The following NLGN1 variants were observed in gnomAD, a reference collection of about 807,000 sequenced individuals.
The protein encoded by NLGN1 is neuroligin-1.
In NLGN1, 12 loss-of-function variants were observed where a neutral mutation model predicts 65.5. The ratio of observed to expected loss-of-function variants is 0.18; its 90% CI spans 0.12 to 0.30. NLGN1 has a LOEUF of 0.30. NLGN1 is among the 10% of genes least tolerant of loss of function. NLGN1 has a pLI of 1.00. For missense variants in NLGN1, 750 were observed against 1,007.1 expected, an observed-to-expected ratio of 0.74 and a Z score of 3.46; for synonymous variants, 350 against 359.5, an observed-to-expected ratio of 0.97 and a Z score of 0.30.
chr3:173,943,066 A>T (rs1175727437), intron 4 of NLGN1, among the ~76,000 whole-genome samples: 3 of 151,932 alleles, frequency 2.0e-5, no homozygotes, highest in African/African-American at 7.3e-5. Flanking sequence ...CTTTACAAAA[A>T]ATATAAAAAA....
chr3:174,005,772 GT>G (rs1724238359), intron 4 of NLGN1, among the ~76,000 whole-genome samples: 1 of 151,726 alleles, frequency 6.6e-6, no homozygotes, highest in African/African-American at 2.4e-5. Context: ...GTATTCCTGA[GT>G]GAGGTGCCTG....
At chr3:173,406,339 G>T (rs927448877) in intron 1 of NLGN1, among the ~76,000 whole-genome samples, 2 of 151,320 alleles carry the variant, frequency 1.3e-5, no homozygotes, top group African/African-American at 4.8e-5. Flanking sequence ...TTCTTTAAAA[G>T]AATTATCAGT....
intron 4 of NLGN1, among the ~76,000 whole-genome samples, chr3:173,987,092 C>G (rs558508624): frequency 6.6e-6 from 1 of 152,288 alleles, no homozygotes; most frequent in South Asian, 2.1e-4. Flanking sequence ...TTGGGCAAAA[C>G]TGCCTAGATT....
chr3:173,397,417 C>T (rs76623340), upstream of NLGN1, among the ~76,000 whole-genome samples: 9,503 of 151,980 alleles, frequency 0.063, 435 homozygotes, highest in Middle Eastern at 0.13. Context: ...TGGGAACTTC[C>T]CCTCATTTCT....
At chr3:173,859,027 A>G (rs1728555374) in intron 4 of NLGN1, among the ~76,000 whole-genome samples, 1 of 152,074 alleles carries the variant, frequency 6.6e-6, no homozygotes, top group Non-Finnish European at 1.5e-5. Flanking sequence ...TCTGTATTAA[A>G]ATATCTGCGT....
exon 7 of NLGN1, chr3:174,283,660 C>T (rs1751794190): frequency 6.6e-6 from 1 of 151,084 alleles, no homozygotes; most frequent in Non-Finnish European, 1.5e-5. Context: ...TTATAATCCC[C>T]CCTCCCAATT....
intron 4 of NLGN1, among the ~76,000 whole-genome samples, chr3:174,205,318 A>G (rs1735196356): frequency 6.6e-6 from 1 of 152,112 alleles, no homozygotes. Context: ...ATAACATTGC[A>G]ATTTTCAAAA....
At chr3:173,683,784 T>G (rs111555053) in intron 3 of NLGN1, among the ~76,000 whole-genome samples, 16 of 152,148 alleles carry the variant, frequency 1.1e-4, no homozygotes, top group African/African-American at 3.1e-4. Context: ...GGGTCAGGTA[T>G]AGTGCTTCGT....
intron 4 of NLGN1, among the ~76,000 whole-genome samples, chr3:174,001,615 C>T (rs748428301): frequency 2.0e-5 from 3 of 152,204 alleles, no homozygotes; most frequent in African/African-American, 4.8e-5. Context: ...TGCACCCATG[C>T]ATCTCTGACC....
At chr3:173,865,774 A>C (rs1374030060) in intron 4 of NLGN1, among the ~76,000 whole-genome samples, 1 of 152,192 alleles carries the variant, frequency 6.6e-6, no homozygotes, top group Non-Finnish European at 1.5e-5. Context: ...CTTCAAAATG[A>C]ATGATCCGAA....
At chr3:173,555,453 T>C (rs993460049) in intron 2 of NLGN1, among the ~76,000 whole-genome samples, 2 of 152,180 alleles carry the variant, frequency 1.3e-5, no homozygotes, top group African/African-American at 4.8e-5. Flanking sequence ...TTCTTACATG[T>C]TCCTTCTCAA....
intron 1 of NLGN1, among the ~76,000 whole-genome samples, chr3:173,418,626 T>G (rs1577359118): frequency 6.6e-6 from 1 of 152,238 alleles, no homozygotes; most frequent in East Asian, 1.9e-4. Flanking sequence ...ATTTGCCAAA[T>G]GATTTTCATC....
chr3:174,004,967 C>A (rs898732784), intron 4 of NLGN1, among the ~76,000 whole-genome samples: 1 of 152,016 alleles, frequency 6.6e-6, no homozygotes, highest in Non-Finnish European at 1.5e-5. Flanking sequence ...ATGATAAAAG[C>A]CTCTAAAGAT....
In NLGN1 at chr3:173,818,895, C is replaced by CTTTTTTTTTTTTTTTTTTTTTT. The variant is rs200212547; in HGVS notation, c.646+11079_646+11080insTTTTTTTTTTTTTTTTTTTTTT. ...AATTTTGTTCTGCCTTTGAATAGTT[C>CTTTTTTTTTTTTTTTTTTTTTT]TTTTTTTTTTTTTTTTCCAGTAAGG... On this transcript the variant is annotated intron_variant, in intron 4 of 6. Coordinates refer to ENST00000457714, the Ensembl canonical transcript of NLGN1. 4.3e-5 allele frequency among the ~76,000 whole-genome samples: 4 copies of CTTTTTTTTTTTTTTTTTTTTTT among 92,388 alleles called. 2 individuals carry two copies. Among genetic ancestry groups the CTTTTTTTTTTTTTTTTTTTTTT allele is most frequent in the Admixed American group, 2.6e-4 (2 of 7,736 alleles). 60.6% of individuals were successfully genotyped at this position (92,388 alleles called of 152,430 possible). A position where few individuals can be genotyped will look rare whatever the true frequency, so the allele number is the denominator to read the frequency against.
intron 4 of NLGN1, among the ~76,000 whole-genome samples, chr3:174,260,112 T>C (rs1209348621): frequency 3.3e-5 from 5 of 151,992 alleles, no homozygotes; most frequent in Admixed American, 6.6e-5. Flanking sequence ...GGTTCCAAGT[T>C]TTTGCTATTG....
intron 1 of NLGN1, among the ~76,000 whole-genome samples, chr3:173,417,095 T>G (rs1027923294): frequency 2.0e-5 from 3 of 152,074 alleles, no homozygotes; most frequent in African/African-American, 7.2e-5. Context: ...GCATGTTATT[T>G]TTTTCATAGA....
In NLGN1 at chr3:174,066,516, G is replaced by GTCTCTCTCTCTCTC. The variant is rs373763421; in HGVS notation, c.647-208763_647-208750dup. 8.2e-3 allele frequency among the ~76,000 whole-genome samples: 550 copies of GTCTCTCTCTCTCTC among 66,950 alleles called. 12 individuals are homozygous for GTCTCTCTCTCTCTC. The highest frequency in any genetic ancestry group is 0.036 in the Middle Eastern group (2 of 56). The allele number at this position is 66,950 out of a possible 152,430, so 43.9% of individuals were successfully genotyped here. On this transcript the variant is annotated intron_variant, in intron 4 of 6. Transcript: ENST00000457714. ...AGTTTTTAAATAGATTATGGAACAA[G>GTCTCTCTCTCTCTC]TCTCTCTCTCTCTCTCTCTCTCTCT...
intron 2 of NLGN1, among the ~76,000 whole-genome samples, chr3:173,546,093 T>A (rs1176154821): frequency 6.6e-6 from 1 of 152,146 alleles, no homozygotes; most frequent in East Asian, 1.9e-4. Flanking sequence ...TAAAGTATAT[T>A]TTTAAAAAAT....
intron 4 of NLGN1, among the ~76,000 whole-genome samples, chr3:174,066,552 C>CTG (rs1235577088): frequency 3.3e-4 from 38 of 115,724 alleles, no homozygotes; most frequent in African/African-American, 1.3e-3. Context: ...CTCTCTCTCT[C>CTG]TCTCTCTCTC....
Sources: gnomAD v4.1 joint callset for allele counts (sites outside exome capture counted in the v4.1 genomes callset) on GRCh38, gnomAD v4.1.1 for gene constraint, MANE v1.5 for transcripts, NCBI Gene and HGNC (gene_info 2026-07-23, HGNC 2026-07-21) for gene names.